Variants in KCTD1 observed in about 807,000 individuals in gnomAD.
The protein encoded by KCTD1 is BTB/POZ domain-containing protein KCTD1.
Under a neutral mutation model 66.0 loss-of-function variants are expected in KCTD1, and 24 were observed. The observed-to-expected ratio is 0.36, with a 90% CI of 0.26 to 0.51. KCTD1 has a LOEUF of 0.51. Ranked by LOEUF, KCTD1 falls within the 20% of genes least tolerant of loss-of-function variation. The pLI, the probability that KCTD1 is intolerant of heterozygous loss-of-function variation, is 0.95. For synonymous variants in KCTD1, 511 were observed against 517.2 expected (o/e 0.99, Z 0.16); for missense variants, 943 against 1,205.2 (o/e 0.78, Z 3.22).
In KCTD1 at chr18:26,476,804, C is replaced by T; in HGVS notation, c.1989-145G>A. On this transcript the variant is annotated intron_variant, in intron 2 of 4. Transcript: ENST00000580059. The surrounding 1 kb of genome is among the most constrained non-coding windows in gnomAD (Gnocchi z 4.9). ...TTACGATTGTCTGCAAAGTGTTGGT[C>T]CCCGCTTGATAAATATCTCAGGACG... The T allele has an allele frequency of 4.5e-6, 3 of 662,772 alleles. No individual in the cohort carries two copies. Among genetic ancestry groups the T allele is most frequent in the Non-Finnish European group, 7.8e-6 (3 of 386,376 alleles). The allele number at this position is 662,772 out of a possible 1,614,324, so 41.1% of individuals were successfully genotyped here.
chr18:26,626,452 G>A (rs1987503033), intron 1 of KCTD1, among the ~76,000 whole-genome samples: 1 of 149,104 alleles, frequency 6.7e-6, no homozygotes, highest in African/African-American at 2.5e-5. Context: ...AGTGAGGGAA[G>A]GCTTCCCTGA....
intron 1 of KCTD1, among the ~76,000 whole-genome samples, chr18:26,613,299 T>C (rs1987177370): frequency 1.3e-5 from 2 of 152,190 alleles, no homozygotes; most frequent in African/African-American, 4.8e-5. Context: ...GAAGTGACAC[T>C]CTGACGATTT....
intron 2 of KCTD1, among the ~76,000 whole-genome samples, chr18:26,484,300 A>G (rs1417654776): frequency 3.9e-5 from 6 of 152,246 alleles, no homozygotes; most frequent in African/African-American, 1.4e-4. Flanking sequence ...CAAACAAAAC[A>G]AATTATATCT....
At chr18:26,550,465 A>C (rs1985511427), upstream of KCTD1, among the ~76,000 whole-genome samples, 1 of 151,376 alleles carries the variant, frequency 6.6e-6, no homozygotes, top group Non-Finnish European at 1.5e-5. The surrounding 1 kb of genome is among the most constrained non-coding windows in gnomAD (Gnocchi z 5.4). Flanking sequence ...CCTGGACGCC[A>C]CCCGAGCTTC....
chr18:26,606,964 G>A (rs1987030279), intron 1 of KCTD1, among the ~76,000 whole-genome samples: 1 of 150,640 alleles, frequency 6.6e-6, no homozygotes, highest in Non-Finnish European at 1.5e-5. Flanking sequence ...TTTCTATCAA[G>A]ACCCAGATCA....
Position 26,587,091 on chromosome 18 carries a change from T to C in KCTD1, c.-16+42056A>G, listed in dbSNP as rs117053902. ...AGATACCATCCAGGACTTTCATAGC[T>C]AGAGAGAAGTCACTGCCTGGCTTCA... On this transcript the variant is annotated intron_variant, in intron 1 of 4. Coordinates refer to the KCTD1 transcript ENST00000317932. Among the ~76,000 whole-genome samples the C allele has an allele frequency of 2.0e-5, 3 of 152,336 alleles. No homozygotes were observed. In the East Asian group the frequency reaches 5.8e-4, roughly 29 times the overall value.
chr18:26,564,640 A>G (rs1985939297), intron 1 of KCTD1, among the ~76,000 whole-genome samples: 1 of 152,174 alleles, frequency 6.6e-6, no homozygotes, highest in Non-Finnish European at 1.5e-5. Flanking sequence ...CTGTAATCCC[A>G]GCATTTTGGG....
At chr18:26,603,161 G>T (rs1432300145) in intron 1 of KCTD1, among the ~76,000 whole-genome samples, 2 of 152,270 alleles carry the variant, frequency 1.3e-5, no homozygotes, top group African/African-American at 2.4e-5. Flanking sequence ...CAGGCCCAGT[G>T]GCTCACACCT....
chr18:26,545,049 A>T (rs957670805), intron 1 of KCTD1: 3 of 152,218 alleles, frequency 2.0e-5, no homozygotes, highest in African/African-American at 7.2e-5. Flanking sequence ...AACAAAACAA[A>T]ACCAATGAAA....
At chr18:26,514,547 CT>C (rs1983540092) in intron 1 of KCTD1, among the ~76,000 whole-genome samples, 4 of 81,044 alleles carry the variant, frequency 4.9e-5, no homozygotes, top group Admixed American at 1.2e-4. Context: ...GAGACCTTGT[CT>C]CAAAAAAAAA....
At chr18:26,563,478 G>A (rs931866915) in intron 1 of KCTD1, among the ~76,000 whole-genome samples, 1 of 152,138 alleles carries the variant, frequency 6.6e-6, no homozygotes, top group African/African-American at 2.4e-5. Context: ...TATGCCCTTG[G>A]CCATACTCTT....
chr18:26,477,842 G>A (rs1330839243), intron 2 of KCTD1, among the ~76,000 whole-genome samples: 1 of 152,134 alleles, frequency 6.6e-6, no homozygotes, highest in African/African-American at 2.4e-5. Flanking sequence ...GGTAGTAAGT[G>A]CAAAGAGGAA....
upstream of KCTD1, among the ~76,000 whole-genome samples, chr18:26,550,535 C>G (rs1985514252): frequency 6.6e-6 from 1 of 150,474 alleles, no homozygotes; most frequent in Non-Finnish European, 1.5e-5. The surrounding 1 kb of genome is among the most constrained non-coding windows in gnomAD (Gnocchi z 5.4). Flanking sequence ...CGGGCCGCCT[C>G]CGGCTCCTTA....
Position 26,468,706 on chromosome 18 carries a change from C to T in KCTD1, c.2133+7809G>A, listed in dbSNP as rs983928744. 6.6e-6 allele frequency among the ~76,000 whole-genome samples: 1 copy of T among 151,612 alleles called. No homozygotes were observed. The highest frequency in any genetic ancestry group is 1.5e-5 in the Non-Finnish European group (1 of 67,974). On this transcript the variant is annotated intron_variant, in intron 3 of 4. Coordinates refer to ENST00000580059, the MANE Select transcript of KCTD1 (RefSeq NM_001142730.3). The surrounding 1 kb of genome is among the most constrained non-coding windows in gnomAD (Gnocchi z 4.8). ...AATTAGTGTGCCTGTGGCGTGGTGG[C>T]GTGTGGTGGCGTGTGCCTGTAGTCC...
Position 26,493,314 on chromosome 18 carries a change from T to A in KCTD1, c.1988+7758A>T, listed in dbSNP as rs183081556. Among the ~76,000 whole-genome samples, 421 of 152,338 alleles carry A rather than the reference T, an allele frequency of 2.8e-3. 1 individual carries two copies. Among genetic ancestry groups the A allele is most frequent in the African/African-American group, 9.8e-3 (407 of 41,558 alleles). ...TTCATTTTCATAGATCCAGTGTGAT[T>A]TGTGATAGTGACAAAATCTGCTTCT... On this transcript the variant is annotated intron_variant, in intron 2 of 4. Coordinates refer to ENST00000580059, the MANE Select transcript of KCTD1 (RefSeq NM_001142730.3).
intron 3 of KCTD1, 121 bp from the exon 4 acceptor site, chr18:26,460,046 G>A (rs1008551308): frequency 3.8e-5 from 27 of 718,666 alleles, no homozygotes; most frequent in Middle Eastern, 2.7e-4. Flanking sequence ...CTGCATGTGC[G>A]TTTTTCACTT....
At chr18:26,473,819 C>G (rs1468926248) in intron 3 of KCTD1, among the ~76,000 whole-genome samples, 2 of 152,164 alleles carry the variant, frequency 1.3e-5, no homozygotes, top group Admixed American at 1.3e-4. Flanking sequence ...AGGCTCATTC[C>G]AGGGCTGCGG....
At chr18:26,642,346 C>T (rs1987849011), upstream of KCTD1, among the ~76,000 whole-genome samples, 1 of 152,182 alleles carries the variant, frequency 6.6e-6, no homozygotes, top group South Asian at 2.1e-4. Context: ...TCCCAGAAAT[C>T]GGTGCCTCTC....
upstream of KCTD1, among the ~76,000 whole-genome samples, chr18:26,630,889 G>A (rs1208040997): frequency 6.6e-6 from 1 of 152,140 alleles, no homozygotes; most frequent in Non-Finnish European, 1.5e-5. Flanking sequence ...GAAAACAACT[G>A]GTTGCTGCTT....
Sources: allele counts gnomAD v4.1 joint callset (sites outside exome capture counted in the v4.1 genomes callset), GRCh38; gene constraint gnomAD v4.1.1; non-coding constraint Gnocchi (gnomAD v3.1); transcripts MANE v1.5; gene names NCBI Gene and HGNC (gene_info 2026-07-23, HGNC 2026-07-21).